The following EPG5 variants were observed in gnomAD, a reference collection of about 807,000 sequenced individuals.
The protein encoded by EPG5 is ectopic P-granules 5 autophagy tethering factor.
Under a neutral mutation model 302.7 loss-of-function variants are expected in EPG5, and 159 were observed. The observed-to-expected ratio is 0.53, with a 90% CI of 0.46 to 0.60. The LOEUF is 0.60. Among genes scored for constraint, EPG5 ranks in the 20% least tolerant of loss-of-function variants. The pLI, the probability that EPG5 is intolerant of heterozygous loss-of-function variation, is 0.00. For synonymous variants in EPG5, 1,158 were observed against 1,136.8 expected, an observed-to-expected ratio of 1.02 and a Z score of -0.37; for missense variants, 2,896 against 3,092.4, an observed-to-expected ratio of 0.94 and a Z score of 1.51.
At position 45,929,014 on chromosome 18, in the gene EPG5, A is replaced by G; in HGVS notation, c.2413-5T>C. The G allele has an allele frequency of 6.2e-7, 1 of 1,612,918 alleles. No individual in the cohort carries two copies. The highest frequency in any genetic ancestry group is 8.5e-7 in the Non-Finnish European group (1 of 1,179,396). ...AGACAAGGTGACATAAGATACCTAA[A>G]TGGGGGGAAGGGGGAAGAAGATGGC... On this transcript the variant is annotated splice_region_variant and splice_polypyrimidine_tract_variant and intron_variant, in intron 12 of 43. Transcript: ENST00000282041.
At chr18:45,872,420 G>A (rs906867316) in intron 35 of EPG5, among the ~76,000 whole-genome samples, 8 of 152,158 alleles carry the variant, frequency 5.3e-5, no homozygotes, top group South Asian at 2.1e-4. Context: ...AATGGCCAAC[G>A]AGGCTGTGTG....
chr18:45,833,951 C>T, the EPG5 span, among the ~76,000 whole-genome samples: 1 of 152,186 alleles, frequency 6.6e-6, no homozygotes, highest in African/African-American at 2.4e-5. Flanking sequence ...CAACATGACA[C>T]ATGACAGAGT....
At chr18:45,815,773 G>A in the EPG5 span, among the ~76,000 whole-genome samples, 2 of 152,156 alleles carry the variant, frequency 1.3e-5, no homozygotes, top group Non-Finnish European at 2.9e-5. Flanking sequence ...ATTCTTCACA[G>A]AATTAGAAAA....
rs2048610875 is a variant in EPG5 at position 45,860,437 on chromosome 18, T to A, written c.6767-91A>T. On this transcript the variant is annotated intron_variant, in intron 39 of 43. Transcript: ENST00000282041. ...ATAACAGTGCTTCAATCTTAGCTGT[T>A]CTCCAGGCAGATTTTACAGTGCTAG... 2.6e-6 allele frequency: 4 copies of A among 1,534,656 alleles called. No homozygotes were observed. In the Middle Eastern group the frequency reaches 5.5e-4, roughly 212 times the overall value.
intron 29 of EPG5, among the ~76,000 whole-genome samples, chr18:45,885,576 T>C (rs1190250668): frequency 1.3e-5 from 2 of 152,158 alleles, no homozygotes; most frequent in African/African-American, 4.8e-5. Context: ...GATGACGTCA[T>C]CTTGTTTTAA....
At chr18:45,929,097 G>GA (rs2050343408) in intron 12 of EPG5, 88 bp from the exon 13 acceptor site, 3 of 1,347,590 alleles carry the variant, frequency 2.2e-6, no homozygotes, top group Non-Finnish European at 3.1e-6. Flanking sequence ...AAGCAAAGCA[G>GA]AAAGAATCTT....
At chr18:45,873,346 C>T (rs1168904073) in intron 35 of EPG5, among the ~76,000 whole-genome samples, 4 of 152,006 alleles carry the variant, frequency 2.6e-5, no homozygotes, top group African/African-American at 9.7e-5. Context: ...CACGTCTCTA[C>T]TAAAAATACA....
At chr18:45,822,489 A>G in the EPG5 span, among the ~76,000 whole-genome samples, 1 of 152,204 alleles carries the variant, frequency 6.6e-6, no homozygotes, top group Non-Finnish European at 1.5e-5. Context: ...GCACTGTAGG[A>G]TGACTATAGT....
intron 35 of EPG5, 50 bp downstream of exon 35, chr18:45,876,186 G>T: frequency 7.7e-7 from 1 of 1,294,306 alleles, no homozygotes; most frequent in Non-Finnish European, 1.1e-6. Context: ...AAGACTGACT[G>T]ACTTAGGGAA....
the EPG5 span, among the ~76,000 whole-genome samples, chr18:45,820,517 T>C: frequency 2.0e-5 from 3 of 152,190 alleles, no homozygotes; most frequent in Non-Finnish European, 4.4e-5. Context: ...GAATGAGAAA[T>C]TCAGTTCAGC....
intron 16 of EPG5, 59 bp from the exon 17 acceptor site, chr18:45,917,878 C>T: frequency 6.3e-7 from 1 of 1,597,172 alleles, no homozygotes; most frequent in South Asian, 1.1e-5. Context: ...AAATTCTGTT[C>T]TTCCAATGAG....
At position 45,852,177 on chromosome 18, in the gene EPG5, G is replaced by A. The variant is rs943555538; in HGVS notation, c.*290C>T. On this transcript the variant is annotated 3_prime_UTR_variant, in exon 44 of 44. Transcript: ENST00000282041. Reference sequence around the variant, plus strand: ...GTCTTGTGAGATGACTGGGACATTCGGCAACTGTGAGTGGCTCTGCACCCA... The same window carrying A: ...GTCTTGTGAGATGACTGGGACATTCAGCAACTGTGAGTGGCTCTGCACCCA... The A allele has an allele frequency of 2.5e-5, 6 of 243,574 alleles. No individual in the cohort carries two copies. The highest frequency in any genetic ancestry group is 6.8e-5 in the African/African-American group (3 of 44,352). The allele number at this position is 243,574 out of a possible 1,614,324, so 15.1% of individuals were successfully genotyped here. A position where few individuals can be genotyped will look rare whatever the true frequency, so the allele number is the denominator to read the frequency against.
the EPG5 span, among the ~76,000 whole-genome samples, chr18:45,813,073 G>GA: frequency 2.0e-5 from 3 of 151,718 alleles, no homozygotes; most frequent in Admixed American, 6.6e-5. Context: ...AAATTTACAA[G>GA]AAAAAAACAA....
chr18:45,822,366 G>A, the EPG5 span, among the ~76,000 whole-genome samples: 2 of 152,244 alleles, frequency 1.3e-5, no homozygotes, highest in East Asian at 3.9e-4. Context: ...GTAAAAAGTA[G>A]AACAGAGGAT....
chr18:45,939,453 C>T (rs1455201682), intron 10 of EPG5, 147 bp downstream of exon 10: 2 of 699,730 alleles, frequency 2.9e-6, no homozygotes, highest in African/African-American at 1.8e-5. Context: ...ATAAGGAAAC[C>T]AAGGCCCAAG....
At chr18:45,957,740 T>C (rs1033479035) in intron 1 of EPG5, among the ~76,000 whole-genome samples, 4 of 152,250 alleles carry the variant, frequency 2.6e-5, no homozygotes, top group Non-Finnish European at 4.4e-5. Flanking sequence ...GTCTGATTTG[T>C]TGCTAACATT....
intron 35 of EPG5, 86 bp downstream of exon 35, chr18:45,876,139 TATTAAATAAAA>T: frequency 1.3e-6 from 1 of 763,320 alleles, no homozygotes; most frequent in Non-Finnish European, 2.2e-6. Context: ...AATAACTGCC[TATTAAATAAAA>T]ATTAAATAGA....
chr18:45,956,775 C>A (rs185136078), intron 1 of EPG5, among the ~76,000 whole-genome samples: 1 of 151,778 alleles, frequency 6.6e-6, no homozygotes, highest in African/African-American at 2.4e-5. Context: ...ATAGAATGTA[C>A]GGTTATATAA....
the EPG5 span, chr18:45,838,578 A>T: frequency 8.8e-7 from 1 of 1,138,566 alleles, no homozygotes; most frequent in Non-Finnish European, 1.2e-6. Context: ...CCAAGGCCAC[A>T]TCTGTATTGG....
Sources: allele counts gnomAD v4.1 joint callset (sites outside exome capture counted in the v4.1 genomes callset), GRCh38; gene constraint gnomAD v4.1.1; transcripts MANE v1.5; gene names NCBI Gene and HGNC (gene_info 2026-07-23, HGNC 2026-07-21).